Variants in CPNE4 observed in about 807,000 individuals in gnomAD.
CPNE4 encodes copine-4.
Under a neutral mutation model 67.9 loss-of-function variants are expected in CPNE4, and 25 were observed. The ratio of observed to expected loss-of-function variants is 0.37; its 90% CI spans 0.27 to 0.51. The LOEUF is 0.51. Ranked by LOEUF, CPNE4 falls within the 20% of genes least tolerant of loss-of-function variation. The probability of loss-of-function intolerance (pLI) is 0.93; values close to 1 mark genes in which losing one functional copy is unlikely to be tolerated. For synonymous variants in CPNE4, 242 were observed against 244.9 expected (o/e 0.99, Z 0.11); for missense variants, 464 against 690.8 (o/e 0.67, Z 3.68).
intron 1 of CPNE4, among the ~76,000 whole-genome samples, chr3:131,943,947 C>T (rs1042628075): frequency 1.3e-5 from 2 of 152,108 alleles, no homozygotes; most frequent in Non-Finnish European, 2.9e-5. Flanking sequence ...ACACACATAC[C>T]CCATACCATT....
intron 7 of CPNE4, among the ~76,000 whole-genome samples, chr3:131,627,242 A>G (rs2079101933): frequency 6.6e-6 from 1 of 152,090 alleles, no homozygotes; most frequent in East Asian, 1.9e-4. Flanking sequence ...ATTATGCTAA[A>G]TCTACTCTAC....
Position 131,535,032 on chromosome 3 carries a change from C to T in CPNE4, c.*163G>A, listed in dbSNP as rs575052239. On this transcript the variant is annotated 3_prime_UTR_variant, in exon 16 of 16. Coordinates refer to ENST00000429747, the MANE Select transcript of CPNE4 (RefSeq NM_130808.3). ...TTAACAGATCCAGGCCTCAGGGCTA[C>T]ACATGCAAAAAAAATTGTCAGATAG... 3.2e-6 allele frequency: 2 copies of T among 617,516 alleles called. No homozygotes were observed. The allele number at this position is 617,516 out of a possible 1,614,324, so 38.3% of individuals were successfully genotyped here. A position where few individuals can be genotyped will look rare whatever the true frequency, so the allele number is the denominator to read the frequency against.
intron 7 of CPNE4, among the ~76,000 whole-genome samples, chr3:131,614,972 C>A (rs1940054164): frequency 6.6e-6 from 1 of 152,138 alleles, no homozygotes; most frequent in South Asian, 2.1e-4. Context: ...GAAGCTCACA[C>A]AAGTATCCTA....
chr3:131,769,796 A>AT (rs1234075119), intron 2 of CPNE4, among the ~76,000 whole-genome samples: 3 of 152,220 alleles, frequency 2.0e-5, no homozygotes, highest in East Asian at 3.9e-4. Context: ...ACTATGAGTG[A>AT]TTTTTTGTCT....
intron 2 of CPNE4, among the ~76,000 whole-genome samples, chr3:131,863,081 G>A (rs543084003): frequency 6.6e-6 from 1 of 152,056 alleles, no homozygotes; most frequent in African/African-American, 2.4e-5. Flanking sequence ...GTGTATATGT[G>A]CCACATTTTC....
intron 7 of CPNE4, among the ~76,000 whole-genome samples, chr3:131,601,957 T>C (rs931687319): frequency 6.6e-6 from 1 of 152,158 alleles, no homozygotes; most frequent in African/African-American, 2.4e-5. Context: ...CCTCTGGGTC[T>C]CAGTCCTCAT....
chr3:131,568,882 C>T (rs890788628), intron 10 of CPNE4, among the ~76,000 whole-genome samples: 5 of 152,020 alleles, frequency 3.3e-5, no homozygotes, highest in Non-Finnish European at 7.4e-5. Flanking sequence ...GTGTAACAAC[C>T]TCTGGTTAGT....
chr3:131,580,707 A>T (rs1290703544), intron 9 of CPNE4, among the ~76,000 whole-genome samples: 1 of 152,148 alleles, frequency 6.6e-6, no homozygotes, highest in Non-Finnish European at 1.5e-5. Flanking sequence ...CATAGTAAGT[A>T]CTCAACTAGT....
At chr3:131,782,961 T>C (rs756968907) in intron 2 of CPNE4, among the ~76,000 whole-genome samples, 2 of 151,986 alleles carry the variant, frequency 1.3e-5, no homozygotes, top group Non-Finnish European at 2.9e-5. Flanking sequence ...TCAGTTATAG[T>C]TGTCAAGGAG....
At chr3:131,792,284 C>T (rs1271053918) in intron 2 of CPNE4, among the ~76,000 whole-genome samples, 1 of 151,916 alleles carries the variant, frequency 6.6e-6, no homozygotes, top group African/African-American at 2.4e-5. Flanking sequence ...ACTTCAGATT[C>T]CTTTTCATTT....
At chr3:131,657,810 C>T (rs895459373) in intron 7 of CPNE4, among the ~76,000 whole-genome samples, 18 of 151,718 alleles carry the variant, frequency 1.2e-4, no homozygotes, top group Admixed American at 3.9e-4. Context: ...GTGATCTGCC[C>T]GCCTCAGCCT....
chr3:132,030,286 AG>A (rs2074209516), intron 1 of CPNE4, among the ~76,000 whole-genome samples: 1 of 152,142 alleles, frequency 6.6e-6, no homozygotes, highest in Admixed American at 6.5e-5. Context: ...CACTTATTTG[AG>A]CTTTAGTTTC....
chr3:131,540,915 A>T (rs77560850), intron 15 of CPNE4, among the ~76,000 whole-genome samples: 2 of 152,148 alleles, frequency 1.3e-5, no homozygotes, highest in Admixed American at 1.3e-4. Context: ...ACTCGGTAGC[A>T]TGGAAAGGAG....
At chr3:131,961,047 C>G (rs2072154498) in intron 1 of CPNE4, among the ~76,000 whole-genome samples, 1 of 152,266 alleles carries the variant, frequency 6.6e-6, no homozygotes, top group Middle Eastern at 3.4e-3. Flanking sequence ...TAGAAATGTT[C>G]AAAGGTTTCT....
chr3:131,713,007 C>CATAAGTGGCTCCCTGGATGAGTAGGTAA (rs2081595978), intron 3 of CPNE4, among the ~76,000 whole-genome samples: 1 of 152,146 alleles, frequency 6.6e-6, no homozygotes, highest in Non-Finnish European at 1.5e-5. Context: ...ACCCAGGTGG[C>CATAAGTGGCTCCCTGGATGAGTAGGTAA]ATAAGTGGCT....
At chr3:131,864,005 C>G (rs200808140) in intron 2 of CPNE4, among the ~76,000 whole-genome samples, 11,456 of 151,870 alleles carry the variant, frequency 0.075, 544 homozygotes, top group East Asian at 0.17. Flanking sequence ...TGTCAAAGAT[C>G]AGATAGTTGT....
intron 2 of CPNE4, among the ~76,000 whole-genome samples, chr3:131,729,396 A>T (rs1377183622): frequency 6.6e-6 from 1 of 152,234 alleles, no homozygotes; most frequent in Admixed American, 6.5e-5. Context: ...TTCCAAGGAG[A>T]CATATTAAAC....
chr3:132,007,625 CTT>C (rs1195191781), intron 1 of CPNE4, among the ~76,000 whole-genome samples: 2 of 146,314 alleles, frequency 1.4e-5, no homozygotes, highest in African/African-American at 2.5e-5. Context: ...CACAGCAGCC[CTT>C]TTTTTTTTTC....
chr3:131,563,900 G>A (rs1361240256), intron 11 of CPNE4, among the ~76,000 whole-genome samples: 1 of 152,050 alleles, frequency 6.6e-6, no homozygotes, highest in African/African-American at 2.4e-5. Flanking sequence ...AAATTCAGTA[G>A]GTTAAGAATG....
Sources: allele counts gnomAD v4.1 joint callset (sites outside exome capture counted in the v4.1 genomes callset), GRCh38; gene constraint gnomAD v4.1.1; transcripts MANE v1.5; gene names NCBI Gene and HGNC (gene_info 2026-07-23, HGNC 2026-07-21).